The following LIN28B variants were observed in gnomAD, a reference collection of about 807,000 sequenced individuals.
The protein encoded by LIN28B is lin-28 RNA binding posttranscriptional regulator B.
LIN28B carries 5 observed loss-of-function variants against 21.9 expected under a neutral mutation model. The ratio of observed to expected loss-of-function variants is 0.23; its 90% CI spans 0.12 to 0.48. LIN28B has a LOEUF of 0.48. Ranked by LOEUF, LIN28B falls within the 20% of genes least tolerant of loss-of-function variation. The probability of loss-of-function intolerance (pLI) is 0.98; values close to 1 mark genes in which losing one functional copy is unlikely to be tolerated. For synonymous variants in LIN28B, 109 were observed against 111.3 expected (o/e 0.98, Z 0.13); for missense variants, 245 against 310.5 (o/e 0.79, Z 1.58).
chr6:104,966,460 C>T (rs531093318), intron 2 of LIN28B, among the ~76,000 whole-genome samples: 2 of 151,830 alleles, frequency 1.3e-5, no homozygotes, highest in Admixed American at 1.3e-4. Flanking sequence ...AAGAGTTTTT[C>T]TGGTTTTTGT....
chr6:104,973,491 T>C (rs1201125814), intron 2 of LIN28B, among the ~76,000 whole-genome samples: 2 of 152,174 alleles, frequency 1.3e-5, no homozygotes, highest in African/African-American at 2.4e-5. Context: ...CAGCCTTAAG[T>C]CGTCTCTTTC....
chr6:105,072,033 G>A (rs1215488427), intron 3 of LIN28B, among the ~76,000 whole-genome samples: 1 of 151,856 alleles, frequency 6.6e-6, no homozygotes, highest in East Asian at 1.9e-4. Flanking sequence ...AAAGAAACAC[G>A]CTGACCTCCC....
intron 3 of LIN28B, among the ~76,000 whole-genome samples, chr6:105,059,694 C>A (rs1200918846): frequency 6.6e-6 from 1 of 152,128 alleles, no homozygotes; most frequent in Non-Finnish European, 1.5e-5. Flanking sequence ...GCCCGTTACT[C>A]TGAAATATTA....
intron 3 of LIN28B, among the ~76,000 whole-genome samples, chr6:105,047,348 G>A (rs892190240): frequency 5.9e-5 from 9 of 152,228 alleles, no homozygotes; most frequent in Admixed American, 3.9e-4. Context: ...TATTATTTCT[G>A]AGTGCTCTGT....
At chr6:104,967,765 G>C (rs1388753207) in intron 2 of LIN28B, among the ~76,000 whole-genome samples, 1 of 151,728 alleles carries the variant, frequency 6.6e-6, no homozygotes, top group Non-Finnish European at 1.5e-5. Context: ...CTGCAACTTC[G>C]AACTCCTGGC....
At chr6:104,992,661 A>G (rs947354842) in intron 2 of LIN28B, among the ~76,000 whole-genome samples, 3 of 151,914 alleles carry the variant, frequency 2.0e-5, no homozygotes, top group Non-Finnish European at 4.4e-5. Context: ...ATGTGCCACC[A>G]CATCTGGATA....
chr6:105,071,256 C>T (rs1772328347), intron 3 of LIN28B, among the ~76,000 whole-genome samples: 1 of 152,058 alleles, frequency 6.6e-6, no homozygotes. Flanking sequence ...TTCGATCATA[C>T]CGTATTTATG....
In LIN28B at chr6:104,975,222, AAGAT is replaced by A. The variant is rs1308767986; in HGVS notation, c.198+16940_198+16943del. ...ATATAAAAATTGATCATTCTGTCGA[AAGAT>A]AGAGTAATATCTTATCTTTGATTAT... On this transcript the variant is annotated intron_variant, in intron 2 of 3. Coordinates refer to ENST00000345080, the MANE Select transcript of LIN28B (RefSeq NM_001004317.4). Among the ~76,000 whole-genome samples, 8 of 152,294 alleles carry A rather than the reference AAGAT, an allele frequency of 5.3e-5. No homozygotes were observed. The East Asian group carries it at 5.8e-4, about 11-fold the overall frequency.
intron 3 of LIN28B, among the ~76,000 whole-genome samples, chr6:105,076,204 T>C (rs1415074488): frequency 6.6e-6 from 1 of 152,216 alleles, no homozygotes; most frequent in East Asian, 1.9e-4. Flanking sequence ...CAATGAATAA[T>C]TTAACTACAA....
At chr6:105,001,661 C>G (rs1770723533) in intron 2 of LIN28B, among the ~76,000 whole-genome samples, 1 of 152,036 alleles carries the variant, frequency 6.6e-6, no homozygotes, top group South Asian at 2.1e-4. Context: ...CTGCGATGAA[C>G]AAATGAGTAG....
At chr6:105,072,857 T>C (rs1471568935) in intron 3 of LIN28B, among the ~76,000 whole-genome samples, 1 of 152,218 alleles carries the variant, frequency 6.6e-6, no homozygotes, top group East Asian at 1.9e-4. Context: ...GTTCTGTGAC[T>C]CATCAAAGTT....
chr6:105,043,472 T>C (rs1229246860), intron 3 of LIN28B, among the ~76,000 whole-genome samples: 1 of 151,614 alleles, frequency 6.6e-6, no homozygotes, highest in Non-Finnish European at 1.5e-5. Context: ...TGTGTATGTG[T>C]GTGTATCCTA....
chr6:104,999,067 GA>G, intron 2 of LIN28B, among the ~76,000 whole-genome samples: 1 of 152,236 alleles, frequency 6.6e-6, no homozygotes, highest in African/African-American at 2.4e-5. Context: ...CAGGAATATG[GA>G]AATTCATGAA....
At chr6:104,964,277 C>G (rs1426785011) in intron 2 of LIN28B, among the ~76,000 whole-genome samples, 5 of 152,194 alleles carry the variant, frequency 3.3e-5, no homozygotes. Context: ...ATACTCCCTC[C>G]TCAGCCTCCC....
chr6:104,967,979 G>A (rs955675309), intron 2 of LIN28B, among the ~76,000 whole-genome samples: 1 of 152,164 alleles, frequency 6.6e-6, no homozygotes, highest in African/African-American at 2.4e-5. Flanking sequence ...GATTACAGAT[G>A]TGAGCCACTT....
intron 2 of LIN28B, among the ~76,000 whole-genome samples, chr6:104,972,630 A>G (rs570487337): frequency 1.3e-5 from 2 of 152,272 alleles, no homozygotes; most frequent in South Asian, 2.1e-4. Flanking sequence ...TATAAGTTTA[A>G]TGAATTATTT....
chr6:105,036,198 C>T (rs1248545604), intron 3 of LIN28B, among the ~76,000 whole-genome samples: 1 of 152,080 alleles, frequency 6.6e-6, no homozygotes, highest in Non-Finnish European at 1.5e-5. Context: ...AGAAATTCCC[C>T]ACAACTCTTT....
upstream of LIN28B, among the ~76,000 whole-genome samples, chr6:104,955,821 C>A (rs1199828815): frequency 2.0e-5 from 3 of 151,574 alleles, no homozygotes; most frequent in Admixed American, 6.6e-5. Flanking sequence ...TTTAAAATAG[C>A]GATATTTTAT....
intron 2 of LIN28B, among the ~76,000 whole-genome samples, chr6:104,976,591 A>T (rs1371244690): frequency 6.6e-6 from 1 of 152,236 alleles, no homozygotes; most frequent in Non-Finnish European, 1.5e-5. Flanking sequence ...TGCCAAGATA[A>T]CAGCATTGTG....
Sources: allele counts gnomAD v4.1 joint callset (sites outside exome capture counted in the v4.1 genomes callset), GRCh38; gene constraint gnomAD v4.1.1; transcripts MANE v1.5; gene names NCBI Gene and HGNC (gene_info 2026-07-23, HGNC 2026-07-21).